Variants in AKAP10 observed in about 807,000 individuals in gnomAD.
The protein encoded by AKAP10 is A-kinase anchoring protein 10, also known as A-kinase anchor protein 10, mitochondrial.
A neutral mutation model predicts 80.8 loss-of-function variants in AKAP10; 24 were observed. That is an observed-to-expected ratio of 0.30 (90% CI 0.22 to 0.42). AKAP10 has a LOEUF of 0.42. AKAP10 is among the 10% of genes least tolerant of loss of function. The pLI is 1.00. For missense variants in AKAP10, 661 were observed against 794.9 expected, an observed-to-expected ratio of 0.83 and a Z score of 2.03; for synonymous variants, 291 against 277.7, an observed-to-expected ratio of 1.05 and a Z score of -0.48.
rs77540681 is a variant in AKAP10 at position 19,960,438 on chromosome 17, G to A, written c.320-1867C>T. ...TCTATTTCAAGAATATTATCCAAACGGAATCATACTATATGTAGTCTTTAG... is the reference window on the plus strand; with the variant it reads ...TCTATTTCAAGAATATTATCCAAACAGAATCATACTATATGTAGTCTTTAG... On this transcript the variant is annotated intron_variant, in intron 3 of 14. Coordinates refer to ENST00000225737, the MANE Select transcript of AKAP10 (RefSeq NM_007202.4). Among the ~76,000 whole-genome samples, 407 of 152,184 alleles carry A rather than the reference G, an allele frequency of 2.7e-3. 15 individuals are homozygous for A. The East Asian group carries it at 0.074, about 28-fold the overall frequency.
intron 14 of AKAP10, among the ~76,000 whole-genome samples, chr17:19,907,032 T>TC (rs1440214370): frequency 1.3e-5 from 2 of 152,054 alleles, no homozygotes; most frequent in Non-Finnish European, 2.9e-5. Context: ...TTGTTTTTTT[T>TC]TTGAGACGGA....
chr17:19,946,637 G>A (rs139774866), intron 5 of AKAP10, among the ~76,000 whole-genome samples: 1 of 149,508 alleles, frequency 6.7e-6, no homozygotes, highest in African/African-American at 2.5e-5. Context: ...TAAGAATTTG[G>A]GTCCAACATA....
chr17:19,924,977 A>G (rs1371245851), intron 10 of AKAP10, among the ~76,000 whole-genome samples: 1 of 152,078 alleles, frequency 6.6e-6, no homozygotes, highest in Non-Finnish European at 1.5e-5. Context: ...CAGCATGGTC[A>G]ATATGGTGAA....
At chr17:19,954,134 A>C (rs2043245893) in intron 4 of AKAP10, among the ~76,000 whole-genome samples, 1 of 152,238 alleles carries the variant, frequency 6.6e-6, no homozygotes, top group Non-Finnish European at 1.5e-5. Context: ...CTCTTCTAGA[A>C]AATGGAAATA....
At chr17:19,971,541 C>T (rs78598314) in intron 1 of AKAP10, among the ~76,000 whole-genome samples, 1,872 of 151,884 alleles carry the variant, frequency 0.012, 37 homozygotes, top group African/African-American at 0.043. Flanking sequence ...ACACAAATGA[C>T]ACTCTATACA....
intron 1 of AKAP10, among the ~76,000 whole-genome samples, chr17:19,973,055 C>G (rs2043519708): frequency 6.6e-6 from 1 of 152,206 alleles, no homozygotes. Flanking sequence ...TCTCAGCTCA[C>G]TGCAACCTCT....
At chr17:19,958,696 T>A in intron 3 of AKAP10, 125 bp from the exon 4 acceptor site, 2 of 738,890 alleles carry the variant, frequency 2.7e-6, no homozygotes, top group Non-Finnish European at 4.2e-6. Context: ...TCCTAGCAAC[T>A]AAAGTAAATA....
At chr17:19,934,112 G>C (rs1434150906) in intron 9 of AKAP10, among the ~76,000 whole-genome samples, 2 of 151,862 alleles carry the variant, frequency 1.3e-5, no homozygotes, top group Non-Finnish European at 2.9e-5. Context: ...GTAGAGATGG[G>C]GTTTCTCCAT....
chr17:19,972,944 G>C (rs1383687495), intron 1 of AKAP10, among the ~76,000 whole-genome samples: 4 of 151,964 alleles, frequency 2.6e-5, no homozygotes, highest in Non-Finnish European at 5.9e-5. Context: ...TTCTGCATCA[G>C]GGATTGGCAA....
At chr17:19,936,184 C>T in intron 9 of AKAP10, 102 bp downstream of exon 9, 3 of 1,350,116 alleles carry the variant, frequency 2.2e-6, no homozygotes, top group Non-Finnish European at 3.0e-6. Flanking sequence ...TGGACTGCTT[C>T]AATTTCCACT....
Position 19,977,706 on chromosome 17 carries a change from C to G in AKAP10, c.-27G>C. On this transcript the variant is annotated 5_prime_UTR_variant, in exon 1 of 15. Coordinates refer to ENST00000225737, the MANE Select transcript of AKAP10 (RefSeq NM_007202.4). ...CAGCAACCGGCCCGGACTTCCGGGT[C>G]CAGAGGGGCCGCTGCACTAGCGCGA... The G allele has an allele frequency of 8.2e-7, 1 of 1,218,112 alleles. No homozygotes were observed. Among genetic ancestry groups the G allele is most frequent in the Non-Finnish European group, 1.0e-6 (1 of 972,008 alleles). 75.5% of individuals were successfully genotyped at this position (1,218,112 alleles called of 1,614,324 possible). A position where few individuals can be genotyped will look rare whatever the true frequency, so the allele number is the denominator to read the frequency against.
intron 1 of AKAP10, among the ~76,000 whole-genome samples, chr17:19,976,769 A>G (rs1258353773): frequency 1.3e-5 from 2 of 152,098 alleles, no homozygotes; most frequent in African/African-American, 4.8e-5. Flanking sequence ...CCACCCGCCA[A>G]GCCTCCCAAA....
At chr17:19,912,656 A>C (rs2042703322) in intron 12 of AKAP10, among the ~76,000 whole-genome samples, 1 of 152,180 alleles carries the variant, frequency 6.6e-6, no homozygotes, top group Non-Finnish European at 1.5e-5. Flanking sequence ...CAGAGGTTGC[A>C]ACCAGCTGAG....
At chr17:19,957,989 A>G in intron 4 of AKAP10, 25 bp downstream of exon 4, 1 of 1,583,574 alleles carries the variant, frequency 6.3e-7, no homozygotes, top group South Asian at 1.1e-5. Flanking sequence ...ACACATATGT[A>G]CACACAAGAA....
intron 3 of AKAP10, 25 bp from the exon 4 acceptor site, chr17:19,958,596 A>G: frequency 6.4e-7 from 1 of 1,557,372 alleles, no homozygotes; most frequent in Non-Finnish European, 8.6e-7. Context: ...CAAAAGAATT[A>G]GCAGTTCAGC....
At chr17:19,919,857 G>C (rs2042791038) in intron 12 of AKAP10, among the ~76,000 whole-genome samples, 179 bp downstream of exon 12, 1 of 152,164 alleles carries the variant, frequency 6.6e-6, no homozygotes. Flanking sequence ...ATTCAGAGGA[G>C]ATTGCATAAA....
Position 19,962,888 on chromosome 17 carries a change from G to A in AKAP10, c.271C>T (p.Leu91Phe). Residue 91 changes from leucine (L) to phenylalanine (F), a missense_variant, in exon 3 of 15, where the codon CTT becomes TTT. Transcript: ENST00000225737. ...TCCATGTGGCTTGGCTGCTTCTTAA[G>A]TGTGGCTGTCCTGCTACTTGAAAAG... ...DSFSSSRTAT[L>F]KKQPSHMEAA... 1 of 1,614,112 alleles carries A rather than the reference G, an allele frequency of 6.2e-7. No homozygotes were observed. The highest frequency in any genetic ancestry group is 1.1e-5 in the South Asian group (1 of 91,078).
chr17:19,965,001 T>C (rs1409736232), intron 2 of AKAP10, among the ~76,000 whole-genome samples: 2 of 152,240 alleles, frequency 1.3e-5, no homozygotes, highest in Non-Finnish European at 2.9e-5. Flanking sequence ...AGGGTACACC[T>C]CTGTGGAGCA....
intron 9 of AKAP10, chr17:19,935,971 T>C (rs2042987619): frequency 1.0e-5 from 2 of 195,578 alleles, no homozygotes; most frequent in Non-Finnish European, 2.1e-5. Flanking sequence ...GGTTATTCTT[T>C]TATCTTTTTA....
Sources: gnomAD v4.1 joint callset for allele counts (sites outside exome capture counted in the v4.1 genomes callset) on GRCh38, gnomAD v4.1.1 for gene constraint, MANE v1.5 for transcripts, NCBI Gene and HGNC (gene_info 2026-07-23, HGNC 2026-07-21) for gene names.